Variants in LPP observed in about 807,000 individuals in gnomAD.
The protein encoded by LPP is lipoma-preferred partner.
LPP carries 38 observed loss-of-function variants against 60.4 expected under a neutral mutation model. That is an observed-to-expected ratio of 0.63 (90% CI 0.49 to 0.83). The LOEUF (loss-of-function observed/expected upper bound fraction) is 0.83. Ranked by LOEUF, LPP falls within the 40% of genes least tolerant of loss-of-function variation. The pLI is 0.00. For missense variants in LPP, 902 were observed against 783.6 expected, an observed-to-expected ratio of 1.15 and a Z score of -1.80; for synonymous variants, 328 against 290.8, an observed-to-expected ratio of 1.13 and a Z score of -1.30.
intron 3 of LPP, among the ~76,000 whole-genome samples, chr3:188,360,970 A>G (rs1050565687): frequency 3.9e-5 from 6 of 152,342 alleles, no homozygotes; most frequent in African/African-American, 1.4e-4. Flanking sequence ...TGATGCTAAT[A>G]GTAAATTATT....
At chr3:188,626,316 T>C (rs1419978874) in intron 7 of LPP, among the ~76,000 whole-genome samples, 3 of 152,206 alleles carry the variant, frequency 2.0e-5, no homozygotes, top group Non-Finnish European at 4.4e-5. Context: ...TTGTATTGGG[T>C]ATTTTAACTA....
rs1005567944 is a variant in LPP, at chr3:188,637,197, G to A, written c.1113+27353G>A. On this transcript the variant is annotated intron_variant, in intron 7 of 11. Coordinates refer to ENST00000617246, the MANE Select transcript of LPP (RefSeq NM_001375462.1). Reference sequence around the variant, plus strand: ...CACAGTGCAATCAAACTAGAACTCAGGATTAAGAATCTCACTCAAAACCAC... The same window carrying A: ...CACAGTGCAATCAAACTAGAACTCAAGATTAAGAATCTCACTCAAAACCAC... 7.9e-4 allele frequency among the ~76,000 whole-genome samples: 120 copies of A among 151,908 alleles called. 1 individual carries two copies. The highest frequency in any genetic ancestry group is 3.4e-3 in the Middle Eastern group (1 of 294).
intron 9 of LPP, among the ~76,000 whole-genome samples, chr3:188,812,280 C>G (rs539882281): frequency 6.6e-6 from 1 of 152,266 alleles, no homozygotes; most frequent in South Asian, 2.1e-4. Flanking sequence ...CAATGCTCCC[C>G]AATTCCTTTT....
At chr3:188,745,705 G>C (rs1264277898) in intron 8 of LPP, among the ~76,000 whole-genome samples, 3 of 152,114 alleles carry the variant, frequency 2.0e-5, no homozygotes, top group Non-Finnish European at 4.4e-5. Flanking sequence ...TTATTCTGAG[G>C]AAGCTGATGG....
At chr3:188,371,635 ATATATATTTTTTTTTTTTTTTT>A (rs1286387742) in intron 3 of LPP, among the ~76,000 whole-genome samples, 2 of 29,044 alleles carry the variant, frequency 6.9e-5, no homozygotes, top group Admixed American at 1.1e-3. Flanking sequence ...ATATATATAT[ATATATATTTTTTTTTTTTTTTT>A]TTTTTTTTTT....
At chr3:188,453,426 T>A (rs1380922796) in intron 4 of LPP, among the ~76,000 whole-genome samples, 1 of 152,044 alleles carries the variant, frequency 6.6e-6, no homozygotes, top group Non-Finnish European at 1.5e-5. Flanking sequence ...CCGGATCCTA[T>A]CCATGGACAA....
intron 2 of LPP, among the ~76,000 whole-genome samples, chr3:188,297,573 T>C (rs891075578): frequency 6.6e-6 from 1 of 152,222 alleles, no homozygotes; most frequent in African/African-American, 2.4e-5. Flanking sequence ...TTTTAAAATG[T>C]GAGTCAGTAG....
At chr3:188,414,882 C>T (rs752438718) in intron 4 of LPP, among the ~76,000 whole-genome samples, 15 of 152,196 alleles carry the variant, frequency 9.9e-5, no homozygotes, top group African/African-American at 2.9e-4. Context: ...GCCATAGACA[C>T]GTTTTGGGGG....
At chr3:188,543,706 G>A (rs888971233) in intron 6 of LPP, among the ~76,000 whole-genome samples, 2 of 152,146 alleles carry the variant, frequency 1.3e-5, no homozygotes, top group East Asian at 1.9e-4. Context: ...CAAGATGGAA[G>A]CCATAATCAT....
At chr3:188,650,509 T>C (rs1416946484) in intron 7 of LPP, among the ~76,000 whole-genome samples, 1 of 152,088 alleles carries the variant, frequency 6.6e-6, no homozygotes, top group Non-Finnish European at 1.5e-5. Flanking sequence ...GAGTCAAAGG[T>C]TGTGGACACT....
chr3:188,392,639 A>C (rs749853261), intron 3 of LPP, among the ~76,000 whole-genome samples: 4 of 152,200 alleles, frequency 2.6e-5, no homozygotes, highest in Non-Finnish European at 5.9e-5. Flanking sequence ...AATTTTAACC[A>C]AAAATTTCTA....
At chr3:188,867,243 A>G (rs919590949) in intron 10 of LPP, among the ~76,000 whole-genome samples, 6 of 148,858 alleles carry the variant, frequency 4.0e-5, no homozygotes, top group Non-Finnish European at 8.9e-5. Flanking sequence ...ATTATTCAAT[A>G]ACATTCATTT....
At chr3:188,401,358 A>G (rs1782201540) in intron 3 of LPP, among the ~76,000 whole-genome samples, 1 of 152,208 alleles carries the variant, frequency 6.6e-6, no homozygotes, top group Non-Finnish European at 1.5e-5. Flanking sequence ...CCTGTCCTAC[A>G]GAAATGCCTT....
At chr3:188,519,724 A>T (rs183948811) in intron 5 of LPP, among the ~76,000 whole-genome samples, 1 of 152,322 alleles carries the variant, frequency 6.6e-6, no homozygotes, top group Admixed American at 6.5e-5. Context: ...AATCTAATTT[A>T]TGTAGACAGA....
intron 4 of LPP, among the ~76,000 whole-genome samples, chr3:188,462,201 C>CT (rs1405927343): frequency 1.3e-5 from 2 of 151,708 alleles, no homozygotes; most frequent in Admixed American, 6.6e-5. Context: ...AATTACGTCT[C>CT]TTTTTTGAAA....
intron 1 of LPP, among the ~76,000 whole-genome samples, chr3:188,175,229 G>A (rs1269477898): frequency 6.6e-6 from 1 of 152,030 alleles, no homozygotes; most frequent in Admixed American, 6.6e-5. Flanking sequence ...GGGATTACAG[G>A]TGCCTCCCAC....
intron 3 of LPP, among the ~76,000 whole-genome samples, chr3:188,344,765 T>C (rs144212792): frequency 0.011 from 1,728 of 152,332 alleles, 35 homozygotes; most frequent in South Asian, 0.088. Flanking sequence ...TGGGCATTTA[T>C]ACACCGGTAG....
intron 9 of LPP, among the ~76,000 whole-genome samples, chr3:188,761,329 T>C (rs1235496442): frequency 6.6e-6 from 1 of 152,220 alleles, no homozygotes; most frequent in Non-Finnish European, 1.5e-5. Flanking sequence ...ATTGTAACCT[T>C]GGGGTCTGTA....
intron 2 of LPP, among the ~76,000 whole-genome samples, chr3:188,298,321 C>T (rs932416210): frequency 2.0e-5 from 3 of 152,130 alleles, no homozygotes; most frequent in African/African-American, 7.2e-5. Flanking sequence ...TCTCTGGGCC[C>T]CCTCCCTTTG....
Sources: gnomAD v4.1 joint callset for allele counts (sites outside exome capture counted in the v4.1 genomes callset) on GRCh38, gnomAD v4.1.1 for gene constraint, MANE v1.5 for transcripts, NCBI Gene and HGNC (gene_info 2026-07-23, HGNC 2026-07-21) for gene names.